MYO16: variants seen among roughly 807,000 people sequenced by gnomAD.
MYO16 encodes unconventional myosin-XVI.
Under a neutral mutation model 205.3 loss-of-function variants are expected in MYO16, and 94 were observed. The observed-to-expected ratio is 0.46, with a 90% CI of 0.39 to 0.54. MYO16 has a LOEUF of 0.54. Ranked by LOEUF, MYO16 falls within the 20% of genes least tolerant of loss-of-function variation. The probability of loss-of-function intolerance (pLI) is 0.00; values close to 1 mark genes in which losing one functional copy is unlikely to be tolerated. For missense variants in MYO16, 2,315 were observed against 2,387.5 expected, an observed-to-expected ratio of 0.97 and a Z score of 0.63; for synonymous variants, 988 against 954.0, an observed-to-expected ratio of 1.04 and a Z score of -0.66.
At chr13:108,904,238 T>C (rs7317429) in intron 15 of MYO16, among the ~76,000 whole-genome samples, 151,936 of 152,266 alleles carry the variant, frequency 1, 75,805 homozygotes, top group Middle Eastern at 1. Context: ...GTATTTTCCC[T>C]GATCTGATTA....
chr13:108,641,883 T>G (rs112060083), intron 1 of MYO16, among the ~76,000 whole-genome samples: 1 of 152,178 alleles, frequency 6.6e-6, no homozygotes, highest in Non-Finnish European at 1.5e-5. Context: ...CCTGGCATAC[T>G]TGGCCAGTGT....
chr13:108,531,421 G>A, the MYO16 span, among the ~76,000 whole-genome samples: 1 of 152,186 alleles, frequency 6.6e-6, no homozygotes, highest in African/African-American at 2.4e-5. Flanking sequence ...GGTGGCAGAA[G>A]TGGAGAGAAG....
intron 28 of MYO16, among the ~76,000 whole-genome samples, chr13:109,105,055 G>A (rs999454773): frequency 6.6e-6 from 1 of 152,180 alleles, no homozygotes; most frequent in Non-Finnish European, 1.5e-5. Context: ...CCCCAGCATA[G>A]AAGCCAGAGA....
intron 2 of MYO16, among the ~76,000 whole-genome samples, chr13:108,703,830 C>T (rs1883399562): frequency 6.6e-6 from 1 of 152,108 alleles, no homozygotes; most frequent in African/African-American, 2.4e-5. Flanking sequence ...CCCCTCAATT[C>T]ATATGTTATA....
At chr13:108,790,097 G>A (rs963450842) in intron 5 of MYO16, among the ~76,000 whole-genome samples, 1 of 152,172 alleles carries the variant, frequency 6.6e-6, no homozygotes, top group Non-Finnish European at 1.5e-5. Flanking sequence ...GAAAAGCCAC[G>A]GAAGAGAGGT....
At chr13:108,526,385 T>C in the MYO16 span, among the ~76,000 whole-genome samples, 3 of 152,142 alleles carry the variant, frequency 2.0e-5, no homozygotes, top group African/African-American at 7.2e-5. Flanking sequence ...AGGTAAAAAA[T>C]GATTTTTTAT....
the MYO16 span, among the ~76,000 whole-genome samples, chr13:108,528,208 A>G: frequency 6.6e-6 from 1 of 152,204 alleles, no homozygotes; most frequent in East Asian, 1.9e-4. Flanking sequence ...TATTTACCAT[A>G]TCCGACAGCC....
upstream of MYO16, among the ~76,000 whole-genome samples, chr13:108,628,081 A>C (rs1382994187): frequency 1.3e-5 from 2 of 152,216 alleles, no homozygotes; most frequent in Non-Finnish European, 2.9e-5. Context: ...AAACAGATAT[A>C]GTTGTGTCTT....
At chr13:108,880,082 C>A (rs766654838) in intron 12 of MYO16, among the ~76,000 whole-genome samples, 2 of 152,014 alleles carry the variant, frequency 1.3e-5, no homozygotes, top group Non-Finnish European at 2.9e-5. Context: ...TATCTCATTG[C>A]GGTTTTGATT....
At chr13:108,873,591 G>GGGACAGGGTCCATGCCAACCAACCA (rs1566382210) in intron 12 of MYO16, among the ~76,000 whole-genome samples, 11 of 151,986 alleles carry the variant, frequency 7.2e-5, no homozygotes, top group Non-Finnish European at 1.5e-4. Flanking sequence ...TCCACCAACC[G>GGGACAGGGTCCATGCCAACCAACCA]GGACAGGGTC....
the MYO16 span, among the ~76,000 whole-genome samples, chr13:108,537,772 AT>A: frequency 1.3e-5 from 2 of 151,706 alleles, no homozygotes; most frequent in African/African-American, 2.4e-5. Flanking sequence ...GATGCTGATA[AT>A]TTTTTTCCTG....
chr13:109,060,000 G>C (rs892932706), intron 27 of MYO16, among the ~76,000 whole-genome samples: 1 of 152,132 alleles, frequency 6.6e-6, no homozygotes, highest in Non-Finnish European at 1.5e-5. Context: ...ATGCTGGAGA[G>C]GATGTGGAGA....
chr13:108,666,171 C>T (rs767431977), intron 2 of MYO16, 22 bp downstream of exon 2: 10 of 1,568,292 alleles, frequency 6.4e-6, no homozygotes, highest in Non-Finnish European at 8.7e-6. Flanking sequence ...GAAAGAAGGA[C>T]CCGTTTTCTG....
intron 23 of MYO16, among the ~76,000 whole-genome samples, chr13:109,029,538 A>C (rs1053628717): frequency 6.6e-6 from 1 of 152,150 alleles, no homozygotes; most frequent in Non-Finnish European, 1.5e-5. Context: ...AAAAACAAAA[A>C]ACATGAACTA....
At chr13:108,938,997 C>A (rs1410105255) in intron 16 of MYO16, among the ~76,000 whole-genome samples, 1 of 152,210 alleles carries the variant, frequency 6.6e-6, no homozygotes, top group African/African-American at 2.4e-5. Flanking sequence ...TTGCCCCAGG[C>A]CTGTGGAGAG....
At chr13:108,585,635 G>T in the MYO16 span, among the ~76,000 whole-genome samples, 1 of 152,130 alleles carries the variant, frequency 6.6e-6, no homozygotes, top group Non-Finnish European at 1.5e-5. Context: ...ACTTTGCAGG[G>T]CAATTTCAAG....
chr13:108,838,277 C>T (rs945954859), intron 9 of MYO16, among the ~76,000 whole-genome samples: 2 of 151,886 alleles, frequency 1.3e-5, no homozygotes, highest in Non-Finnish European at 2.9e-5. Flanking sequence ...ATACATGCAG[C>T]GTGTTTAGAA....
intron 32 of MYO16, among the ~76,000 whole-genome samples, chr13:109,145,053 TA>T (rs1408391870): frequency 7.2e-5 from 11 of 152,226 alleles, no homozygotes; most frequent in Non-Finnish European, 2.9e-5. Context: ...TGGACACACA[TA>T]TAAGAAAGAT....
At chr13:108,926,910 A>G (rs1882031797) in intron 16 of MYO16, among the ~76,000 whole-genome samples, 1 of 152,336 alleles carries the variant, frequency 6.6e-6, no homozygotes, top group South Asian at 2.1e-4. Context: ...GATTGCACGT[A>G]GTTCTGTTTA....
Sources: gnomAD v4.1 joint callset for allele counts (sites outside exome capture counted in the v4.1 genomes callset) on GRCh38, gnomAD v4.1.1 for gene constraint, MANE v1.5 for transcripts, NCBI Gene and HGNC (gene_info 2026-07-23, HGNC 2026-07-21) for gene names.